Variants in SEMA6D observed in about 807,000 individuals in gnomAD.
SEMA6D encodes semaphorin-6D.
A neutral mutation model predicts 106.6 loss-of-function variants in SEMA6D; 35 were observed. That is an observed-to-expected ratio of 0.33 (90% CI 0.25 to 0.44). SEMA6D has a LOEUF of 0.44. Among genes scored for constraint, SEMA6D ranks in the 20% least tolerant of loss-of-function variants. The probability of loss-of-function intolerance (pLI) is 1.00; values close to 1 mark genes in which losing one functional copy is unlikely to be tolerated. For missense variants in SEMA6D, 1,185 were observed against 1,345.9 expected, an observed-to-expected ratio of 0.88 and a Z score of 1.87; for synonymous variants, 499 against 487.7, an observed-to-expected ratio of 1.02 and a Z score of -0.31.
chr15:47,620,829 G>A (rs1474402101), intron 4 of SEMA6D, among the ~76,000 whole-genome samples: 5 of 151,896 alleles, frequency 3.3e-5, no homozygotes, highest in Non-Finnish European at 7.4e-5. Context: ...CTCCAATGTG[G>A]CAGAGGGAAG....
intron 1 of SEMA6D, among the ~76,000 whole-genome samples, chr15:47,366,498 A>G (rs2039035027): frequency 1.3e-5 from 2 of 152,228 alleles, no homozygotes; most frequent in South Asian, 4.1e-4. Context: ...ATAAATAAAG[A>G]CAGGAAAATT....
At chr15:47,518,088 T>C (rs1307578693) in intron 3 of SEMA6D, among the ~76,000 whole-genome samples, 2 of 152,162 alleles carry the variant, frequency 1.3e-5, no homozygotes, top group African/African-American at 2.4e-5. Flanking sequence ...GATAGAGAGA[T>C]TAGGACAACT....
chr15:47,191,630 T>G (rs1893966269), intron 1 of SEMA6D, among the ~76,000 whole-genome samples: 1 of 152,076 alleles, frequency 6.6e-6, no homozygotes, highest in Non-Finnish European at 1.5e-5. Context: ...TAAAAAGAAA[T>G]GAAAAGGTCC....
intron 1 of SEMA6D, among the ~76,000 whole-genome samples, chr15:47,729,430 G>C (rs975597551): frequency 4.0e-5 from 6 of 151,796 alleles, no homozygotes; most frequent in African/African-American, 1.5e-4. Context: ...GGAGCATTTT[G>C]GGGGCCAAGG....
intron 1 of SEMA6D, among the ~76,000 whole-genome samples, chr15:47,215,095 A>G (rs1170885329): frequency 1.2e-5 from 1 of 86,214 alleles, no homozygotes; most frequent in East Asian, 2.1e-4. Context: ...TTTTGAGGCT[A>G]ATTATAAATT....
intron 3 of SEMA6D, among the ~76,000 whole-genome samples, chr15:47,551,234 G>T (rs2045677562): frequency 1.3e-5 from 2 of 152,056 alleles, no homozygotes; most frequent in Admixed American, 6.6e-5. Context: ...TGTATTGGTG[G>T]GTACTCAGAG....
At chr15:47,521,392 C>T (rs548267850) in intron 3 of SEMA6D, among the ~76,000 whole-genome samples, 15 of 152,244 alleles carry the variant, frequency 9.9e-5, no homozygotes, top group African/African-American at 3.1e-4. Flanking sequence ...TTCCCCTTCC[C>T]CAAATTCTGG....
rs376025529 is a variant in SEMA6D at position 47,741,436 on chromosome 15, G to T, written c.-54-18309G>T. ...TGTCCCATGAAAACAAAATAAGAAGGCCGGGCACAGTGGCTCACGCCTGTA... is the reference window on the plus strand; with the variant it reads ...TGTCCCATGAAAACAAAATAAGAAGTCCGGGCACAGTGGCTCACGCCTGTA... On this transcript the variant is annotated intron_variant, in intron 1 of 18. Transcript: ENST00000536845. 2.0e-5 allele frequency among the ~76,000 whole-genome samples: 3 copies of T among 152,320 alleles called. No individual in the cohort carries two copies. The East Asian group carries it at 5.8e-4, about 29-fold the overall frequency.
chr15:47,559,721 G>A (rs919802805), intron 3 of SEMA6D, among the ~76,000 whole-genome samples: 1 of 152,036 alleles, frequency 6.6e-6, no homozygotes, highest in African/African-American at 2.4e-5. Context: ...AGACTGGGAA[G>A]GCTCAAGCCA....
chr15:47,668,057 A>G (rs1253098938), intron 4 of SEMA6D, among the ~76,000 whole-genome samples: 1 of 152,192 alleles, frequency 6.6e-6, no homozygotes, highest in Non-Finnish European at 1.5e-5. Context: ...AACAAATACA[A>G]TTAGTTAAAA....
chr15:47,659,018 T>A (rs1161027729), intron 4 of SEMA6D, among the ~76,000 whole-genome samples: 1 of 152,164 alleles, frequency 6.6e-6, no homozygotes, highest in Non-Finnish European at 1.5e-5. Flanking sequence ...AAGGGCATAC[T>A]TTATCAGTAT....
In SEMA6D at chr15:47,276,054, C is replaced by G. The variant is rs549402234; in HGVS notation, c.-239+91636C>G. The stretch of plus-strand genomic sequence containing the variant: ...CCTTGAACCAGAATCAAATCCAGAG[C>G]AAGACCATGAATCTCTTTGATTCTA... On this transcript the variant is annotated intron_variant, in intron 1 of 19. Coordinates refer to the SEMA6D transcript ENST00000558014. Among the ~76,000 whole-genome samples, 23 of 152,202 alleles carry G rather than the reference C, an allele frequency of 1.5e-4. No individual in the cohort carries two copies. The South Asian group carries it at 4.8e-3, about 32-fold the overall frequency.
intron 1 of SEMA6D, among the ~76,000 whole-genome samples, chr15:47,273,606 C>A (rs1195452803): frequency 6.6e-6 from 1 of 152,258 alleles, no homozygotes; most frequent in East Asian, 1.9e-4. Flanking sequence ...ATATGTTAGT[C>A]CCCACATCAA....
intron 3 of SEMA6D, among the ~76,000 whole-genome samples, chr15:47,485,839 A>T (rs774156320): frequency 6.6e-6 from 1 of 152,232 alleles, no homozygotes; most frequent in Non-Finnish European, 1.5e-5. Context: ...CACTGTTAAT[A>T]TGAGGAAAAT....
intron 3 of SEMA6D, among the ~76,000 whole-genome samples, chr15:47,515,287 C>T (rs2044354756): frequency 6.6e-6 from 1 of 152,190 alleles, no homozygotes; most frequent in African/African-American, 2.4e-5. Flanking sequence ...CGTACCTAAT[C>T]TCCATATCTG....
At chr15:47,343,088 T>G (rs1401755115) in intron 1 of SEMA6D, among the ~76,000 whole-genome samples, 1 of 152,156 alleles carries the variant, frequency 6.6e-6, no homozygotes, top group African/African-American at 2.4e-5. Flanking sequence ...GTTGATTTCC[T>G]TTTAATGTAA....
At chr15:47,729,501 G>T (rs1421172375) in intron 1 of SEMA6D, among the ~76,000 whole-genome samples, 1 of 152,190 alleles carries the variant, frequency 6.6e-6, no homozygotes, top group Non-Finnish European at 1.5e-5. Flanking sequence ...GCAAAGGGTA[G>T]TTGAAGAAGG....
intron 4 of SEMA6D, among the ~76,000 whole-genome samples, chr15:47,661,831 T>C (rs1176778308): frequency 2.0e-5 from 3 of 152,190 alleles, no homozygotes; most frequent in Non-Finnish European, 4.4e-5. Flanking sequence ...TAAAAAGCAA[T>C]GCTAACACAG....
At chr15:47,489,297 T>C (rs1223014452) in intron 3 of SEMA6D, among the ~76,000 whole-genome samples, 1 of 152,178 alleles carries the variant, frequency 6.6e-6, no homozygotes, top group Non-Finnish European at 1.5e-5. Context: ...TGATGTCAGA[T>C]TTCTGGTTTC....
Sources: gnomAD v4.1 joint callset for allele counts (sites outside exome capture counted in the v4.1 genomes callset) on GRCh38, gnomAD v4.1.1 for gene constraint, MANE v1.5 for transcripts, NCBI Gene and HGNC (gene_info 2026-07-23, HGNC 2026-07-21) for gene names.